Variants in NEK7 observed in about 807,000 individuals in gnomAD.
The protein encoded by NEK7 is NIMA related kinase 7, also known as serine/threonine-protein kinase Nek7.
In NEK7, 18 loss-of-function variants were observed where a neutral mutation model predicts 44.6. The observed-to-expected ratio is 0.40, with a 90% CI of 0.28 to 0.60. NEK7 has a LOEUF of 0.60. NEK7 is among the 20% of genes least tolerant of loss of function. NEK7 has a pLI of 0.38. For missense variants in NEK7, 256 were observed against 366.5 expected, an observed-to-expected ratio of 0.70 and a Z score of 2.46; for synonymous variants, 130 against 121.1, an observed-to-expected ratio of 1.07 and a Z score of -0.48.
At chr1:198,300,081 A>T (rs1324036335) in intron 9 of NEK7, among the ~76,000 whole-genome samples, 1 of 152,098 alleles carries the variant, frequency 6.6e-6, no homozygotes, top group East Asian at 1.9e-4. Flanking sequence ...AAATATATTT[A>T]TTTCTGATTT....
intron 7 of NEK7, among the ~76,000 whole-genome samples, chr1:198,290,480 A>G (rs181295364): frequency 3.5e-4 from 53 of 152,252 alleles, no homozygotes; most frequent in African/African-American, 1.3e-3. Flanking sequence ...AGATAGAGAG[A>G]GGTAAGGACT....
intron 1 of NEK7, among the ~76,000 whole-genome samples, chr1:198,218,327 C>A (rs1665985909): frequency 6.6e-6 from 1 of 151,944 alleles, no homozygotes; most frequent in Non-Finnish European, 1.5e-5. Flanking sequence ...GAAATAGACA[C>A]CCTATTTGAT....
rs1420947683 is a variant in NEK7 at position 198,320,288 on chromosome 1, CTTT to C, written c.*771_*773del. On this transcript the variant is annotated 3_prime_UTR_variant, in exon 10 of 10. Coordinates refer to ENST00000367385, the MANE Select transcript of NEK7 (RefSeq NM_133494.3). Reference sequence around the variant, plus strand: ...TTTTAAAGTTGCACATTGCCCAAGGCTTTTTTTGTGTGTTTTTATTGTTGTTTG... The same window carrying C: ...TTTTAAAGTTGCACATTGCCCAAGGCTTTTGTGTGTTTTTATTGTTGTTTG... 1.3e-5 allele frequency: 2 copies of C among 151,884 alleles called. No individual in the cohort carries two copies. The highest frequency in any genetic ancestry group is 2.9e-5 in the Non-Finnish European group (2 of 67,938). 9.4% of individuals were successfully genotyped at this position (151,884 alleles called of 1,614,324 possible).
At chr1:198,250,967 A>G (rs1335434729) in intron 2 of NEK7, among the ~76,000 whole-genome samples, 1 of 152,166 alleles carries the variant, frequency 6.6e-6, no homozygotes, top group Admixed American at 6.5e-5. Flanking sequence ...CCCGTTTTCA[A>G]AGGGAATGCT....
intron 1 of NEK7, among the ~76,000 whole-genome samples, chr1:198,196,309 A>G (rs1251971645): frequency 6.6e-6 from 1 of 152,174 alleles, no homozygotes; most frequent in Non-Finnish European, 1.5e-5. Context: ...TGACTTCTTG[A>G]TGTTTCTGTA....
At chr1:198,238,201 C>G (rs537347028) in intron 2 of NEK7, among the ~76,000 whole-genome samples, 27 of 152,164 alleles carry the variant, frequency 1.8e-4, no homozygotes, top group Admixed American at 1.4e-3. Context: ...CTTCTCCCCC[C>G]CAGGACACTG....
intron 1 of NEK7, among the ~76,000 whole-genome samples, chr1:198,178,879 G>A (rs1336304199): frequency 1.3e-5 from 2 of 151,888 alleles, no homozygotes; most frequent in East Asian, 1.9e-4. Context: ...AGCATATAAA[G>A]ATAATATAAT....
At chr1:198,218,369 G>A (rs895624963) in intron 1 of NEK7, among the ~76,000 whole-genome samples, 14 of 152,018 alleles carry the variant, frequency 9.2e-5, no homozygotes, top group African/African-American at 3.4e-4. Context: ...ATAGCCACAT[G>A]TAGAAGAATG....
intron 1 of NEK7, among the ~76,000 whole-genome samples, chr1:198,228,091 AG>A (rs1167098418): frequency 6.6e-6 from 1 of 152,212 alleles, no homozygotes; most frequent in Admixed American, 6.5e-5. Flanking sequence ...ACCTACTGCT[AG>A]CCAGTTTTCC....
chr1:198,201,861 T>G (rs1665439443), intron 1 of NEK7, among the ~76,000 whole-genome samples: 4 of 152,172 alleles, frequency 2.6e-5, no homozygotes, highest in Admixed American at 1.3e-4. Context: ...AAGAAACACT[T>G]GAAGGTCACA....
At chr1:198,243,965 A>G (rs1365922364) in intron 2 of NEK7, among the ~76,000 whole-genome samples, 1 of 152,150 alleles carries the variant, frequency 6.6e-6, no homozygotes, top group Non-Finnish European at 1.5e-5. Flanking sequence ...TATAGAATAC[A>G]TGATAGAAAG....
rs187659265 is a variant in NEK7, at chr1:198,183,648, T to C, written c.-29+26372T>C. On this transcript the variant is annotated intron_variant, in intron 1 of 9. Transcript: ENST00000367385. ...TGTTCAAATTTCTGCTGCTTTTTTT[T>C]TGGACTCTAAATTAGCATTTAGAGG... Among the ~76,000 whole-genome samples, 16 of 152,346 alleles carry C rather than the reference T, an allele frequency of 1.1e-4. No individual in the cohort carries two copies. In the East Asian group the frequency reaches 3.1e-3, roughly 29 times the overall value.
chr1:198,320,982 G>A lies in NEK7; in HGVS notation c.*1460G>A, dbSNP rs1440814347. 6.6e-6 allele frequency: 1 copy of A among 152,262 alleles called. No homozygotes were observed. The highest frequency in any genetic ancestry group is 2.4e-5 in the African/African-American group (1 of 41,460). The allele number at this position is 152,262 out of a possible 1,614,324, so 9.4% of individuals were successfully genotyped here. ...GTGGCGACCAGTTTCTCACAGAATT[G>A]TGAAGCCTGAAGGCCAAGAGGAAGT... On this transcript the variant is annotated 3_prime_UTR_variant, in exon 10 of 10. Transcript: ENST00000367385.
At chr1:198,174,574 G>T (rs1286755635) in intron 1 of NEK7, among the ~76,000 whole-genome samples, 2 of 152,098 alleles carry the variant, frequency 1.3e-5, no homozygotes, top group Non-Finnish European at 2.9e-5. Flanking sequence ...TCCTAAGAAT[G>T]CAGTCAGGGC....
rs777056225 is a variant in NEK7, at chr1:198,319,431, T to C, written c.818T>C (p.Met273Thr). The change falls in exon 10 of 10, where the codon ATG becomes ACG. Residue 273 changes from methionine (M) to threonine (T), a missense_variant. By Grantham distance (81) the Met-to-Thr change is moderately conservative. Around this residue, in one of 3 missense-constraint regions of NEK7, gnomAD observed 58 missense variants for 66.5 expected, o/e 0.87. Transcript: ENST00000367385. ...YSEELRQLVN[M>T]CINPDPEKRP... ...TCACAGCTCCGACAGTTAGTTAATA[T>C]GTGCATCAACCCAGATCCAGAGAAG... 1.9e-5 allele frequency: 30 copies of C among 1,611,576 alleles called. 1 individual carries two copies. The South Asian group carries it at 2.9e-4, about 15-fold the overall frequency.
chr1:198,223,266 A>T (rs572001015), intron 1 of NEK7, among the ~76,000 whole-genome samples: 1 of 152,316 alleles, frequency 6.6e-6, no homozygotes, highest in South Asian at 2.1e-4. Flanking sequence ...TCCCAGGTGG[A>T]GACATGATGA....
chr1:198,250,999 A>G (rs1164017976), intron 2 of NEK7, among the ~76,000 whole-genome samples: 1 of 152,092 alleles, frequency 6.6e-6, no homozygotes, highest in African/African-American at 2.4e-5. Context: ...CCCATTCAGT[A>G]TGATATTGGC....
At chr1:198,233,322 A>G (rs182992528) in intron 2 of NEK7, among the ~76,000 whole-genome samples, 11 of 152,320 alleles carry the variant, frequency 7.2e-5, no homozygotes, top group Admixed American at 5.2e-4. Context: ...ATGTACACAT[A>G]TTCATTATTT....
At chr1:198,184,979 T>G (rs1009815815) in intron 1 of NEK7, among the ~76,000 whole-genome samples, 2 of 152,068 alleles carry the variant, frequency 1.3e-5, no homozygotes, top group African/African-American at 4.8e-5. Flanking sequence ...CAACAAAATA[T>G]TTTTAACCAA....
Sources: allele counts gnomAD v4.1 joint callset (sites outside exome capture counted in the v4.1 genomes callset), GRCh38; gene constraint gnomAD v4.1.1; regional missense constraint gnomAD v4.1.1; transcripts MANE v1.5; gene names NCBI Gene and HGNC (gene_info 2026-07-23, HGNC 2026-07-21).